Variants in GRIK2 observed in about 807,000 individuals in gnomAD.
The protein encoded by GRIK2 is glutamate receptor ionotropic, kainate 2.
In GRIK2, 32 loss-of-function variants were observed where a neutral mutation model predicts 100.3. That is an observed-to-expected ratio of 0.32 (90% confidence interval 0.24 to 0.43). The LOEUF (loss-of-function observed/expected upper bound fraction) is 0.43, where lower values mean the gene tolerates loss of function less well. Among genes scored for constraint, GRIK2 ranks in the 20% least tolerant of loss-of-function variants. GRIK2 has a pLI of 1.00. For synonymous variants in GRIK2, 417 were observed against 389.4 expected, an observed-to-expected ratio of 1.07 and a Z score of -0.83; for missense variants, 843 against 1,114.9, an observed-to-expected ratio of 0.76 and a Z score of 3.47.
intron 11 of GRIK2, among the ~76,000 whole-genome samples, chr6:101,884,573 A>G (rs1786485369): frequency 6.6e-6 from 1 of 152,166 alleles, no homozygotes; most frequent in Non-Finnish European, 1.5e-5. Flanking sequence ...AATTAGACCA[A>G]TAATTTTTAC....
chr6:101,657,596 C>T lies in GRIK2; in HGVS notation c.542-19027C>T, dbSNP rs146829365. Among the ~76,000 whole-genome samples the T allele has an allele frequency of 2.2e-3, 337 of 152,200 alleles. 2 individuals are homozygous for T. The highest frequency in any genetic ancestry group is 3.7e-3 in the Admixed American group (57 of 15,278). ...GCAATGGCCAATTTGAGTATTGGCA[C>T]GCCTGGAACAGGTTTTGTATTTTTA... On this transcript the variant is annotated intron_variant, in intron 4 of 16. Transcript: ENST00000369134.
At chr6:101,873,956 T>C (rs1215609582) in intron 11 of GRIK2, among the ~76,000 whole-genome samples, 4 of 152,194 alleles carry the variant, frequency 2.6e-5, no homozygotes, top group Non-Finnish European at 5.9e-5. Flanking sequence ...TGTTTTTTTC[T>C]TGTCAATTTG....
chr6:101,817,378 G>T (rs918606933), intron 9 of GRIK2, among the ~76,000 whole-genome samples: 23 of 152,304 alleles, frequency 1.5e-4, no homozygotes, highest in African/African-American at 5.3e-4. Flanking sequence ...TTATTTTAAA[G>T]ATAATTTGAT....
At chr6:101,890,989 A>G (rs1175312668) in intron 12 of GRIK2, among the ~76,000 whole-genome samples, 2 of 12,796 alleles carry the variant, frequency 1.6e-4, no homozygotes, top group Admixed American at 1.3e-3. Context: ...ATATATATAT[A>G]TATATATATA....
chr6:101,921,100 A>G (rs1789462533), intron 12 of GRIK2, among the ~76,000 whole-genome samples: 1 of 152,074 alleles, frequency 6.6e-6, no homozygotes, highest in African/African-American at 2.4e-5. Context: ...GTTTACCGAC[A>G]TAATTTGACA....
At chr6:101,469,192 A>G (rs1397653478) in intron 2 of GRIK2, among the ~76,000 whole-genome samples, 2 of 152,190 alleles carry the variant, frequency 1.3e-5, no homozygotes, top group Non-Finnish European at 2.9e-5. Flanking sequence ...ATCAGAGCTA[A>G]TATTTTTAGA....
chr6:101,541,287 TGA>T (rs1246568040), intron 2 of GRIK2, among the ~76,000 whole-genome samples: 3 of 151,584 alleles, frequency 2.0e-5, no homozygotes, highest in Non-Finnish European at 4.4e-5. Flanking sequence ...GAATATTGGC[TGA>T]GAGTGTTATA....
At chr6:102,000,037 G>A (rs1794853463) in intron 14 of GRIK2, among the ~76,000 whole-genome samples, 1 of 151,702 alleles carries the variant, frequency 6.6e-6, no homozygotes, top group Admixed American at 6.6e-5. Flanking sequence ...GTATAGTGTT[G>A]AATCTACTTG....
intron 7 of GRIK2, among the ~76,000 whole-genome samples, chr6:101,776,058 T>C (rs1778728436): frequency 6.6e-6 from 1 of 152,098 alleles, no homozygotes; most frequent in Admixed American, 6.6e-5. Context: ...GGAGGTAAAA[T>C]GCTGTAATAT....
intron 2 of GRIK2, among the ~76,000 whole-genome samples, chr6:101,549,276 A>G (rs76548818): frequency 0.023 from 144 of 6,254 alleles, 2 homozygotes; most frequent in Non-Finnish European, 0.036. Flanking sequence ...TGATGAACTG[A>G]AAAAAAAAAA....
At chr6:101,999,246 T>C (rs1386285751) in intron 14 of GRIK2, among the ~76,000 whole-genome samples, 3 of 152,130 alleles carry the variant, frequency 2.0e-5, no homozygotes, top group Non-Finnish European at 4.4e-5. Context: ...ATGTAAACTT[T>C]AGAGTCAGCA....
intron 7 of GRIK2, among the ~76,000 whole-genome samples, chr6:101,786,116 G>T (rs1779406117): frequency 6.6e-6 from 1 of 152,016 alleles, no homozygotes; most frequent in South Asian, 2.1e-4. Flanking sequence ...TGGCTGATTA[G>T]TTATTTGTGT....
chr6:101,789,321 G>T (rs1177355250), intron 7 of GRIK2, among the ~76,000 whole-genome samples: 1 of 151,996 alleles, frequency 6.6e-6, no homozygotes, highest in African/African-American at 2.4e-5. Flanking sequence ...ATTTTCTTTT[G>T]GGTTTTTATG....
intron 11 of GRIK2, among the ~76,000 whole-genome samples, chr6:101,887,746 G>C (rs1182195242): frequency 6.6e-6 from 1 of 152,034 alleles, no homozygotes; most frequent in East Asian, 1.9e-4. Flanking sequence ...GGGGAAGGGA[G>C]AAGTGCTACA....
intron 5 of GRIK2, among the ~76,000 whole-genome samples, chr6:101,681,627 A>G (rs1331635462): frequency 1.3e-5 from 2 of 152,066 alleles, no homozygotes; most frequent in Non-Finnish European, 2.9e-5. Context: ...TAGTCAACCT[A>G]TTGTGCTATC....
At chr6:101,992,625 A>AT (rs898676325) in intron 14 of GRIK2, among the ~76,000 whole-genome samples, 5 of 151,514 alleles carry the variant, frequency 3.3e-5, no homozygotes, top group South Asian at 2.1e-4. Context: ...GACAGATTGA[A>AT]TTTTTTTTAA....
At chr6:101,961,416 A>G (rs544988164) in intron 14 of GRIK2, among the ~76,000 whole-genome samples, 1 of 152,080 alleles carries the variant, frequency 6.6e-6, no homozygotes, top group East Asian at 2.0e-4. Flanking sequence ...TCCTCCTAAT[A>G]GTCCTATAAT....
chr6:101,615,740 A>T (rs1779864088), intron 2 of GRIK2, among the ~76,000 whole-genome samples: 1 of 151,866 alleles, frequency 6.6e-6, no homozygotes, highest in Non-Finnish European at 1.5e-5. Context: ...CATAGGAAAG[A>T]AAAACATCTT....
At chr6:101,588,849 AAAG>A (rs1372213562) in intron 2 of GRIK2, among the ~76,000 whole-genome samples, 7 of 152,140 alleles carry the variant, frequency 4.6e-5, no homozygotes, top group Non-Finnish European at 8.8e-5. Flanking sequence ...ATATTTAAAA[AAAG>A]ATCATTCTAG....
Sources: gnomAD v4.1 joint callset for allele counts (sites outside exome capture counted in the v4.1 genomes callset) on GRCh38, gnomAD v4.1.1 for gene constraint, MANE v1.5 for transcripts, NCBI Gene and HGNC (gene_info 2026-07-23, HGNC 2026-07-21) for gene names.